The following ELAC1 variants were observed in gnomAD, a reference collection of about 807,000 sequenced individuals.
ELAC1 encodes elaC ribonuclease Z 1.
A neutral mutation model predicts 25.8 loss-of-function variants in ELAC1; 19 were observed. That is an observed-to-expected ratio of 0.74 (90% CI 0.51 to 1.08). ELAC1 has a LOEUF of 1.08. Ranked by LOEUF, ELAC1 falls within the 50% of genes least tolerant of loss-of-function variation. The probability of loss-of-function intolerance (pLI) is 0.00; values close to 1 mark genes in which losing one functional copy is unlikely to be tolerated. For synonymous variants in ELAC1, 148 were observed against 160.9 expected, an observed-to-expected ratio of 0.92 and a Z score of 0.61; for missense variants, 403 against 434.6, an observed-to-expected ratio of 0.93 and a Z score of 0.65.
intron 2 of ELAC1, among the ~76,000 whole-genome samples, chr18:50,978,182 C>A (rs1907845239): frequency 6.6e-6 from 1 of 152,138 alleles, no homozygotes; most frequent in Non-Finnish European, 1.5e-5. Context: ...TTGAGCCCTC[C>A]AAACTGTTCC....
At chr18:50,976,644 C>T (rs1489059175) in intron 2 of ELAC1, among the ~76,000 whole-genome samples, 1 of 152,092 alleles carries the variant, frequency 6.6e-6, no homozygotes, top group Non-Finnish European at 1.5e-5. Flanking sequence ...CATAGCTAAA[C>T]CATATCATTC....
At chr18:50,974,649 A>G in intron 2 of ELAC1, 88 bp downstream of exon 2, 1 of 1,313,092 alleles carries the variant, frequency 7.6e-7, no homozygotes, top group Non-Finnish European at 1.1e-6. Context: ...GTTTAGAAAC[A>G]GCCCTGATGG....
At chr18:50,977,569 C>A (rs1271592118) in intron 2 of ELAC1, among the ~76,000 whole-genome samples, 1 of 152,186 alleles carries the variant, frequency 6.6e-6, no homozygotes, top group African/African-American at 2.4e-5. Context: ...CCGTTTTTCC[C>A]TCCTAGGCCT....
At chr18:50,969,884 G>A (rs1009058881) in intron 1 of ELAC1, 2 of 152,196 alleles carry the variant, frequency 1.3e-5, no homozygotes, top group Non-Finnish European at 2.9e-5. Flanking sequence ...GTTGAGTAGT[G>A]AGTTTAGGTC....
chr18:50,980,050 A>C (rs928421604), intron 2 of ELAC1, among the ~76,000 whole-genome samples: 11 of 152,164 alleles, frequency 7.2e-5, no homozygotes, highest in African/African-American at 2.7e-4. Flanking sequence ...TTAAATAAAC[A>C]GTTGGAGTTG....
chr18:50,985,905 T>A lies in ELAC1; in HGVS notation c.626-714T>A, dbSNP rs114526871. Among the ~76,000 whole-genome samples the A allele has an allele frequency of 5.3e-3, 801 of 152,142 alleles. 9 individuals carry two copies. Among genetic ancestry groups the A allele is most frequent in the African/African-American group, 0.018 (760 of 41,528 alleles). ...TGCCAAGAAGACTAATAATGTACAA[T>A]TGCCTGAAAAAATGCTCCTTGATCT... On this transcript the variant is annotated intron_variant, in intron 3 of 3. Coordinates refer to ENST00000269466, the MANE Select transcript of ELAC1 (RefSeq NM_018696.3).
chr18:50,986,873 C>G lies in ELAC1; in HGVS notation c.880C>G (p.Pro294Ala), dbSNP rs746664786. Reference sequence around the variant, plus strand: ...AGCAAAGGAGCATGGCCACAGCACACCACAGATGGCAGCAACATTTGCAAA... The same window carrying G: ...AGCAAAGGAGCATGGCCACAGCACAGCACAGATGGCAGCAACATTTGCAAA... ...DKAKEHGHST[P>A]QMAATFAKLC... The change falls in exon 4 of 4, where the codon CCA becomes GCA. Residue 294 changes from proline to alanine, a missense_variant. By Grantham distance (27) the Pro-to-Ala change is conservative. Transcript: ENST00000269466. The G allele has an allele frequency of 6.2e-7, 1 of 1,613,996 alleles. No homozygotes were observed. The highest frequency in any genetic ancestry group is 1.1e-5 in the South Asian group (1 of 91,072).
chr18:50,984,534 A>T lies in ELAC1; in HGVS notation c.596A>T (p.Lys199Ile), dbSNP rs761364254. Reference protein sequence around the residue: ...FSVVEKKRPGKLNAQKLKDLG... With the variant: ...FSVVEKKRPGILNAQKLKDLG... ...GTCGTGGAAAAGAAACGCCCAGGTA[A>T]ACTCAATGCACAGAAACTTAAAGAC... is the stretch of plus-strand genomic sequence containing the variant. Residue 199 changes from lysine to isoleucine, a missense_variant, in exon 3 of 4, where the codon AAA becomes ATA. Lys to Ile is a moderately radical substitution (Grantham distance 102). Coordinates refer to ENST00000269466, the MANE Select transcript of ELAC1 (RefSeq NM_018696.3). 1.2e-6 allele frequency: 2 copies of T among 1,613,792 alleles called. No individual in the cohort carries two copies. The highest frequency in any genetic ancestry group is 1.7e-6 in the Non-Finnish European group (2 of 1,179,922).
chr18:50,969,702 T>C (rs1372494251), intron 1 of ELAC1: 1 of 152,262 alleles, frequency 6.6e-6, no homozygotes, highest in Non-Finnish European at 1.5e-5. Context: ...GTTTGTCTTA[T>C]CAAGTATTCT....
intron 2 of ELAC1, among the ~76,000 whole-genome samples, chr18:50,979,673 C>T (rs1599147688): frequency 6.6e-6 from 1 of 152,266 alleles, no homozygotes; most frequent in Non-Finnish European, 1.5e-5. Context: ...CCACAGGGAT[C>T]ACCTAAAGTA....
chr18:50,982,950 G>C lies in ELAC1; in HGVS notation c.158-1146G>C, dbSNP rs140351019. Among the ~76,000 whole-genome samples the C allele has an allele frequency of 2.0e-5, 3 of 152,152 alleles. No individual in the cohort carries two copies. The East Asian group carries it at 5.8e-4, about 29-fold the overall frequency. ...TTGGTTAATCGCTGTCCAGTATAGG[G>C]AGTCCTTAAAAGGCAATTTTGGGTT... On this transcript the variant is annotated intron_variant, in intron 2 of 3. Coordinates refer to ENST00000269466, the MANE Select transcript of ELAC1 (RefSeq NM_018696.3).
intron 1 of ELAC1, among the ~76,000 whole-genome samples, chr18:50,973,721 T>A (rs1907723931): frequency 6.6e-6 from 1 of 152,152 alleles, no homozygotes; most frequent in South Asian, 2.1e-4. Context: ...TTTAAAAAAA[T>A]TAGTAAGTAG....
intron 2 of ELAC1, among the ~76,000 whole-genome samples, chr18:50,975,713 A>G (rs1599145581): frequency 6.6e-6 from 1 of 152,108 alleles, no homozygotes; most frequent in East Asian, 1.9e-4. Flanking sequence ...ACTAAAGGAA[A>G]GATACTTCTA....
In ELAC1 at chr18:50,986,886, C is replaced by T. The variant is rs1432648469; in HGVS notation, c.893C>T (p.Ala298Val). ...EHGHSTPQMAATFAKLCRAKR... is the reference protein window; with the variant it reads ...EHGHSTPQMAVTFAKLCRAKR... ...GGCCACAGCACACCACAGATGGCAG[C>T]AACATTTGCAAAGTTGTGCCGTGCA... Residue 298 changes from alanine to valine, a missense_variant, in exon 4 of 4, where the codon GCA (alanine) becomes GTA (valine). Ala to Val is a moderately conservative substitution (Grantham distance 64). Coordinates refer to ENST00000269466, the MANE Select transcript of ELAC1 (RefSeq NM_018696.3). 11 of 1,613,714 alleles carry T rather than the reference C, an allele frequency of 6.8e-6. No homozygotes were observed. Among genetic ancestry groups the T allele is most frequent in the Non-Finnish European group, 9.3e-6 (11 of 1,179,814 alleles).
intron 3 of ELAC1, among the ~76,000 whole-genome samples, chr18:50,986,191 C>T (rs552878992): frequency 3.3e-5 from 5 of 151,878 alleles, no homozygotes; most frequent in East Asian, 3.9e-4. Flanking sequence ...GCCTCGGCCT[C>T]GCACAATGCT....
rs753958089 is a variant in ELAC1 at position 50,986,940 on chromosome 18, A to C, written c.947A>C (p.Gln316Pro). ...AGGCTGGTTCTGACTCACTTCAGTCAGAGGTACAAACCAGTTGCCTTGGCC... is the reference window on the plus strand; with the variant it reads ...AGGCTGGTTCTGACTCACTTCAGTCCGAGGTACAAACCAGTTGCCTTGGCC... ...AKRLVLTHFS[Q>P]RYKPVALARE... Residue 316 changes from glutamine (Q) to proline (P), a missense_variant, in exon 4 of 4, where the codon CAG becomes CCG. Physicochemically the swap from Gln to Pro is moderately conservative, Grantham distance 76 (BLOSUM62 -1). Transcript: ENST00000269466. 6 of 1,614,072 alleles carry C rather than the reference A, an allele frequency of 3.7e-6. No individual in the cohort carries two copies. The highest frequency in any genetic ancestry group is 5.1e-6 in the Non-Finnish European group (6 of 1,179,970).
At position 50,968,114 on chromosome 18, in the gene ELAC1, G is replaced by C. The variant is rs934141891; in HGVS notation, c.-9G>C. 6.6e-6 allele frequency: 1 copy of C among 152,144 alleles called. No individual in the cohort carries two copies. The highest frequency in any genetic ancestry group is 1.5e-5 in the Non-Finnish European group (1 of 68,090). 9.4% of individuals were successfully genotyped at this position (152,144 alleles called of 1,614,324 possible). A position where few individuals can be genotyped will look rare whatever the true frequency, so the allele number is the denominator to read the frequency against. Reference sequence around the variant, plus strand: ...CTCCTGGCGCGGGCCTCGGGGAGAGGGTGAGTGCGGTAGGGCATACCAGAG... The same window carrying C: ...CTCCTGGCGCGGGCCTCGGGGAGAGCGTGAGTGCGGTAGGGCATACCAGAG... On this transcript the variant is annotated splice_region_variant and 5_prime_UTR_variant, in exon 1 of 4. Coordinates refer to ENST00000269466, the MANE Select transcript of ELAC1 (RefSeq NM_018696.3).
intron 2 of ELAC1, among the ~76,000 whole-genome samples, chr18:50,976,969 T>C (rs944328114): frequency 6.6e-6 from 1 of 152,174 alleles, no homozygotes; most frequent in Non-Finnish European, 1.5e-5. Flanking sequence ...ATCTTAAAGC[T>C]CCGAAATGAT....
intron 1 of ELAC1, among the ~76,000 whole-genome samples, chr18:50,973,749 C>T (rs1907724387): frequency 1.3e-5 from 2 of 151,920 alleles, no homozygotes; most frequent in African/African-American, 4.8e-5. Context: ...AGAGTGTTCC[C>T]ATATACTCTC....
Sources: allele counts gnomAD v4.1 joint callset (sites outside exome capture counted in the v4.1 genomes callset), GRCh38; gene constraint gnomAD v4.1.1; transcripts MANE v1.5; gene names NCBI Gene and HGNC (gene_info 2026-07-23, HGNC 2026-07-21).